UNC80: variants seen among roughly 807,000 people sequenced by gnomAD.
The protein encoded by UNC80 is protein unc-80 homolog.
Under a neutral mutation model 384.6 loss-of-function variants are expected in UNC80, and 164 were observed. The ratio of observed to expected loss-of-function variants is 0.43; its 90% CI spans 0.38 to 0.49. The LOEUF is 0.49. Ranked by LOEUF, UNC80 falls within the 20% of genes least tolerant of loss-of-function variation. The probability of loss-of-function intolerance (pLI) is 0.00; values close to 1 mark genes in which losing one functional copy is unlikely to be tolerated. For synonymous variants in UNC80, 1,486 were observed against 1,527.8 expected (o/e 0.97, Z 0.64); for missense variants, 3,330 against 4,143.0 (o/e 0.80, Z 5.39).
chr2:209,907,041 A>G (rs867408814), intron 29 of UNC80, among the ~76,000 whole-genome samples: 4 of 152,296 alleles, frequency 2.6e-5, no homozygotes, highest in Middle Eastern at 3.4e-3. Flanking sequence ...CTTAAATGCC[A>G]TCTCCTCCAT....
chr2:209,818,896 C>T (rs2079937633), intron 11 of UNC80, 97 bp from the exon 12 acceptor site: 3 of 1,348,528 alleles, frequency 2.2e-6, no homozygotes, highest in Non-Finnish European at 3.0e-6. Flanking sequence ...AAAACTACAG[C>T]TGTTATTGTG....
rs538813438 is a variant in UNC80, at chr2:209,967,514, G to A, written c.7883G>A (p.Arg2628His). ...ACAATGGAGAGTCGTGGGCTTCGGC[G>A]CTACATCATGGAGATGCTACCCATT... The part of the protein sequence containing the change: ...TQTMESRGLR[R>H]YIMEMLPITD... Residue 2628 changes from arginine to histidine, a missense_variant, in exon 52 of 65, where the codon CGC becomes CAC. Physicochemically the swap from Arg to His is conservative, Grantham distance 29. Coordinates refer to ENST00000673920, the MANE Select transcript of UNC80 (RefSeq NM_001371986.1). 47 of 1,551,390 alleles carry A rather than the reference G, an allele frequency of 3.0e-5. No individual in the cohort carries two copies. The highest frequency in any genetic ancestry group is 3.5e-5 in the Non-Finnish European group (40 of 1,146,974).
intron 18 of UNC80, among the ~76,000 whole-genome samples, chr2:209,836,488 A>G (rs544705565): frequency 5.3e-5 from 8 of 152,352 alleles, no homozygotes; most frequent in African/African-American, 1.9e-4. Context: ...ATTCCAAAAT[A>G]TTCTTTTTGT....
chr2:209,808,933 A>G (rs1193591072), intron 7 of UNC80: 2 of 307,916 alleles, frequency 6.5e-6, no homozygotes, highest in East Asian at 1.1e-4. Flanking sequence ...CCTTAACTCC[A>G]CTGCTTTGCT....
intron 23 of UNC80, among the ~76,000 whole-genome samples, chr2:209,873,502 T>C (rs905017224): frequency 5.3e-5 from 8 of 152,200 alleles, no homozygotes; most frequent in African/African-American, 1.9e-4. Flanking sequence ...CATATTTATG[T>C]ATGCATATGA....
At chr2:209,862,175 G>C (rs962181548) in intron 22 of UNC80, among the ~76,000 whole-genome samples, 1 of 152,158 alleles carries the variant, frequency 6.6e-6, no homozygotes, top group Non-Finnish European at 1.5e-5. Context: ...GGCATTTAGT[G>C]CTATAAATTT....
At chr2:209,975,854 A>AT (rs1296223213) in intron 56 of UNC80, among the ~76,000 whole-genome samples, 1 of 152,178 alleles carries the variant, frequency 6.6e-6, no homozygotes. Flanking sequence ...ACATTGCTCT[A>AT]TATTTTCCAA....
intron 48 of UNC80, among the ~76,000 whole-genome samples, chr2:209,955,694 T>A (rs1301572565): frequency 1.8e-4 from 1 of 5,456 alleles, no homozygotes; most frequent in Non-Finnish European, 4.9e-4. Context: ...GTATTTCTAA[T>A]ATATATATAT....
At position 209,924,084 on chromosome 2, in the gene UNC80, T is replaced by C. The variant is rs540331045; in HGVS notation, c.5662+1701T>C. 1.6e-4 allele frequency among the ~76,000 whole-genome samples: 25 copies of C among 152,278 alleles called. No individual in the cohort carries two copies. The South Asian group carries it at 5.2e-3, about 32-fold the overall frequency. ...TATAATAGCTGACAAAATCTTTGTCTAGTAAGTCCAACATTTAAGCTTCCT... is the reference window on the plus strand; with the variant it reads ...TATAATAGCTGACAAAATCTTTGTCCAGTAAGTCCAACATTTAAGCTTCCT... On this transcript the variant is annotated intron_variant, in intron 35 of 64. Coordinates refer to ENST00000673920, the MANE Select transcript of UNC80 (RefSeq NM_001371986.1).
At chr2:209,875,378 A>C (rs2084686564) in intron 23 of UNC80, among the ~76,000 whole-genome samples, 1 of 152,224 alleles carries the variant, frequency 6.6e-6, no homozygotes, top group Non-Finnish European at 1.5e-5. Context: ...ATGAACTGAA[A>C]TGAGCTAATG....
Position 209,772,099 on chromosome 2 carries a change from C to T in UNC80, c.27C>T (p.Gly9=), listed in dbSNP as rs1322023930. 3 of 1,549,350 alleles carry T rather than the reference C, an allele frequency of 1.9e-6. No homozygotes were observed. The highest frequency in any genetic ancestry group is 1.4e-5 in the African/African-American group (1 of 72,872). The change falls in exon 1 of 65, where the codon GGC becomes GGT. Residue 9 remains glycine (G), a synonymous_variant. Transcript: ENST00000673920. MVKRKSSE[G]QEQDGGRGIP... ...TGGTGAAGAGGAAGAGCTCCGAGGG[C>T]CAGGAGCAGGACGGCGGCCGCGGCA...
chr2:209,998,511 A>G lies in UNC80; in HGVS notation c.*2916A>G, dbSNP rs1170829082. The G allele has an allele frequency of 1.3e-5, 2 of 152,216 alleles. No homozygotes were observed. Among genetic ancestry groups the G allele is most frequent in the Non-Finnish European group, 2.9e-5 (2 of 68,064 alleles). The allele number at this position is 152,216 out of a possible 1,614,324, so 9.4% of individuals were successfully genotyped here. ...AGGGCCTGTTGCACAGGCTGGGAGT[A>G]ACTGGTTTGCTGTTTCAAGCCTCCA... On this transcript the variant is annotated 3_prime_UTR_variant, in exon 65 of 65. Transcript: ENST00000673920.
chr2:209,824,552 G>A (rs1046202716), intron 13 of UNC80, among the ~76,000 whole-genome samples: 4 of 152,116 alleles, frequency 2.6e-5, no homozygotes, highest in African/African-American at 9.7e-5. Flanking sequence ...GCCTCCAGGA[G>A]GAGAGTATAA....
In UNC80 at chr2:209,825,915, T is replaced by C. The variant is rs1348681170; in HGVS notation, c.2340T>C (p.Ser780=). The part of the protein sequence containing the change: ...KNDKNQEKDE[S]TPVSNHRLAL... ...TCATTCGTGGGTACCAGGATGAAAG[T>C]ACACCTGTAAGCAACCATAGGCTTG... The change falls in exon 14 of 65, where the codon AGT becomes AGC. Residue 780 remains serine, a synonymous_variant. Coordinates refer to ENST00000673920, the MANE Select transcript of UNC80 (RefSeq NM_001371986.1). The C allele has an allele frequency of 6.5e-7, 1 of 1,543,074 alleles. No homozygotes were observed. The highest frequency in any genetic ancestry group is 1.4e-5 in the African/African-American group (1 of 72,622).
intron 33 of UNC80, 98 bp from the exon 34 acceptor site, chr2:209,921,402 C>G (rs750497818): frequency 8.2e-7 from 1 of 1,213,458 alleles, no homozygotes; most frequent in Non-Finnish European, 1.1e-6. Flanking sequence ...TTCCTGAGGA[C>G]AAACTACTAC....
chr2:209,952,622 G>C (rs2092236866), intron 47 of UNC80, among the ~76,000 whole-genome samples: 1 of 152,150 alleles, frequency 6.6e-6, no homozygotes, highest in Admixed American at 6.5e-5. Context: ...GGAAAAAAAA[G>C]AGTGCTGCAC....
At chr2:209,814,521 C>T (rs1489893542) in intron 8 of UNC80, among the ~76,000 whole-genome samples, 1 of 152,190 alleles carries the variant, frequency 6.6e-6, no homozygotes. Flanking sequence ...GCTGGGATTA[C>T]AGGCATGAGC....
intron 22 of UNC80, among the ~76,000 whole-genome samples, chr2:209,865,459 A>G (rs1327605984): frequency 6.6e-6 from 1 of 151,926 alleles, no homozygotes; most frequent in Admixed American, 6.6e-5. Context: ...AAAATTAGCC[A>G]GGCGTTGTGG....
intron 28 of UNC80, among the ~76,000 whole-genome samples, chr2:209,904,029 A>C (rs1212579602): frequency 2.6e-5 from 4 of 152,150 alleles, no homozygotes; most frequent in Non-Finnish European, 5.9e-5. Flanking sequence ...ATTGCCTTTT[A>C]AGAAAAGCTC....
Sources: gnomAD v4.1 joint callset for allele counts (sites outside exome capture counted in the v4.1 genomes callset) on GRCh38, gnomAD v4.1.1 for gene constraint, MANE v1.5 for transcripts, NCBI Gene and HGNC (gene_info 2026-07-23, HGNC 2026-07-21) for gene names.